The following CFAP96 variants were observed in gnomAD, a reference collection of about 807,000 sequenced individuals.
The protein encoded by CFAP96 is cilia and flagella associated protein 96, also known as cilia-and flagella-associated protein 96.
At chr4:185,426,818 G>C in the CFAP96 span, among the ~76,000 whole-genome samples, 1 of 144,892 alleles carries the variant, frequency 6.9e-6, no homozygotes, top group African/African-American at 2.6e-5. Context: ...CATCACCTGC[G>C]CTCACGAGTT....
chr4:185,419,518 C>A, the CFAP96 span, among the ~76,000 whole-genome samples: 1 of 152,222 alleles, frequency 6.6e-6, no homozygotes, highest in Admixed American at 6.5e-5. Flanking sequence ...CCCATTCAAT[C>A]CACTTACTAA....
chr4:185,428,135 C>T, the CFAP96 span, among the ~76,000 whole-genome samples: 1 of 151,724 alleles, frequency 6.6e-6, no homozygotes, highest in African/African-American at 2.4e-5. Flanking sequence ...ACTGTGAGGA[C>T]TAACCCAATG....
the CFAP96 span, among the ~76,000 whole-genome samples, chr4:185,437,064 A>T: frequency 2.0e-5 from 3 of 152,206 alleles, no homozygotes; most frequent in Admixed American, 6.5e-5. Context: ...AAGGAATTGT[A>T]ATACTTTTGG....
chr4:185,418,355 G>T, the CFAP96 span: 2 of 1,025,672 alleles, frequency 1.9e-6, no homozygotes, highest in Non-Finnish European at 2.9e-6. Context: ...ATGATAAGAG[G>T]GTTAAATTAT....
the CFAP96 span, among the ~76,000 whole-genome samples, chr4:185,444,245 G>A: frequency 7.2e-5 from 11 of 151,900 alleles, no homozygotes; most frequent in African/African-American, 1.5e-4. Flanking sequence ...GAGCCACCGC[G>A]CCCGGCCTGT....
chr4:185,430,117 T>C, the CFAP96 span, among the ~76,000 whole-genome samples: 1 of 152,236 alleles, frequency 6.6e-6, no homozygotes, highest in South Asian at 2.1e-4. Flanking sequence ...CACTCCCCTA[T>C]GCAAACAGCA....
the CFAP96 span, chr4:185,418,560 T>C: frequency 6.2e-7 from 1 of 1,611,166 alleles, no homozygotes; most frequent in Non-Finnish European, 8.5e-7. Context: ...TTTGAAAACA[T>C]TTCTAGAAAT....
chr4:185,424,914 T>A, the CFAP96 span, among the ~76,000 whole-genome samples: 2 of 152,186 alleles, frequency 1.3e-5, no homozygotes, highest in African/African-American at 4.8e-5. Flanking sequence ...ACTTCCGAAT[T>A]AGCTGAGATA....
the CFAP96 span, among the ~76,000 whole-genome samples, chr4:185,437,948 T>C: frequency 1.1e-4 from 16 of 152,242 alleles, no homozygotes; most frequent in Admixed American, 2.0e-4. Flanking sequence ...ATGAGAAACC[T>C]GTTGTCATGC....
chr4:185,447,423 A>C, the CFAP96 span, among the ~76,000 whole-genome samples: 1 of 151,804 alleles, frequency 6.6e-6, no homozygotes, highest in Admixed American at 6.6e-5. Flanking sequence ...CTCGTGATCC[A>C]CCCACCTTGG....
At chr4:185,413,609 T>C in the CFAP96 span, 9 of 1,037,368 alleles carry the variant, frequency 8.7e-6, no homozygotes, top group Non-Finnish European at 1.1e-5. Context: ...AGATGGGTGA[T>C]AAATCATGTT....
the CFAP96 span, among the ~76,000 whole-genome samples, chr4:185,447,386 T>G: frequency 2.6e-5 from 4 of 152,068 alleles, no homozygotes; most frequent in Non-Finnish European, 4.4e-5. Context: ...TTCACTGTGT[T>G]AGCCAGGATG....
the CFAP96 span, among the ~76,000 whole-genome samples, chr4:185,430,840 G>A: frequency 6.6e-5 from 10 of 151,676 alleles, no homozygotes; most frequent in South Asian, 2.1e-3. Flanking sequence ...TGAGGCTGCA[G>A]TGAGCCATGG....
the CFAP96 span, chr4:185,422,419 T>G: frequency 8.5e-7 from 1 of 1,176,788 alleles, no homozygotes. Context: ...ATTTGCAAAG[T>G]GGAAATAATC....
At chr4:185,437,030 A>G in the CFAP96 span, among the ~76,000 whole-genome samples, 1 of 152,144 alleles carries the variant, frequency 6.6e-6, no homozygotes, top group Non-Finnish European at 1.5e-5. Flanking sequence ...TATTCCCACC[A>G]TACCCTACTA....
At chr4:185,443,030 C>T in the CFAP96 span, among the ~76,000 whole-genome samples, 1 of 151,930 alleles carries the variant, frequency 6.6e-6, no homozygotes, top group Non-Finnish European at 1.5e-5. Context: ...TGGATGCAGG[C>T]ATCTTAAAGC....
At chr4:185,436,180 A>G in the CFAP96 span, 1 of 1,547,612 alleles carries the variant, frequency 6.5e-7, no homozygotes, top group South Asian at 1.2e-5. Flanking sequence ...GGAACTGGAT[A>G]TGGGTAAGAT....
At chr4:185,415,239 G>C in the CFAP96 span, 1 of 1,604,196 alleles carries the variant, frequency 6.2e-7, no homozygotes, top group Non-Finnish European at 8.5e-7. Context: ...GTAATAAAAA[G>C]TGCAGTGGTT....
At chr4:185,429,877 C>A in the CFAP96 span, among the ~76,000 whole-genome samples, 1 of 152,022 alleles carries the variant, frequency 6.6e-6, no homozygotes. Context: ...CACTATGTTG[C>A]CCAGGCTGGT....
Sources: gnomAD v4.1 joint callset for allele counts (sites outside exome capture counted in the v4.1 genomes callset) on GRCh38, gnomAD v4.1.1 for gene constraint, MANE v1.5 for transcripts, NCBI Gene and HGNC (gene_info 2026-07-23, HGNC 2026-07-21) for gene names.